Variants in TPRG1 observed in about 807,000 individuals in gnomAD.
TPRG1 encodes the protein tumor protein p63 regulated 1, also known as tumor protein p63-regulated gene 1 protein.
Under a neutral mutation model 29.3 loss-of-function variants are expected in TPRG1, and 29 were observed. The ratio of observed to expected loss-of-function variants is 0.99; its 90% CI spans 0.74 to 1.35. TPRG1 has a LOEUF of 1.35. Among genes scored for constraint, TPRG1 ranks in the 40% most tolerant of loss-of-function variants. The pLI is 0.00. For missense variants in TPRG1, 327 were observed against 335.0 expected (o/e 0.98, Z 0.19); for synonymous variants, 130 against 116.8 (o/e 1.11, Z -0.73).
chr3:189,078,134 TTTCCTTTC>T lies in TPRG1; in HGVS notation c.-462-48920_-462-48913del, dbSNP rs1416192788. ...CTTTCTTTCTTTCTTTCTTTCTTTC[TTTCCTTTC>T]TTTTTTTTTTTTTAGATGAAGTTTT... On this transcript the variant is annotated intron_variant, in intron 4 of 10. Transcript: ENST00000433971. Among the ~76,000 whole-genome samples the T allele has an allele frequency of 4.2e-4, 54 of 129,458 alleles. No homozygotes were observed. The South Asian group carries it at 0.013, about 30-fold the overall frequency. The allele number at this position is 129,458 out of a possible 152,430, so 84.9% of individuals were successfully genotyped here.
intron 1 of TPRG1, among the ~76,000 whole-genome samples, chr3:189,122,966 A>G (rs1173224621): frequency 2.0e-5 from 3 of 152,214 alleles, no homozygotes; most frequent in Non-Finnish European, 4.4e-5. Flanking sequence ...TTTGTTCTAA[A>G]AACAGGCAAA....
At chr3:189,063,818 G>T (rs1716268986) in intron 4 of TPRG1, among the ~76,000 whole-genome samples, 1 of 152,112 alleles carries the variant, frequency 6.6e-6, no homozygotes, top group South Asian at 2.1e-4. Context: ...AAGTGTTTTG[G>T]AGGTCCCCAA....
chr3:189,098,663 G>A (rs142119366), upstream of TPRG1, among the ~76,000 whole-genome samples: 126 of 152,174 alleles, frequency 8.3e-4, no homozygotes, highest in African/African-American at 2.8e-3. Context: ...ATGAAGAAGC[G>A]CTGGTTTGGA....
chr3:189,288,280 A>G (rs992483679), intron 4 of TPRG1, among the ~76,000 whole-genome samples: 1 of 152,252 alleles, frequency 6.6e-6, no homozygotes, highest in African/African-American at 2.4e-5. Context: ...AAACTAATAT[A>G]ACAAAGTCTA....
intron 4 of TPRG1, among the ~76,000 whole-genome samples, chr3:189,305,688 A>T (rs1319719058): frequency 6.6e-6 from 1 of 152,208 alleles, no homozygotes; most frequent in Non-Finnish European, 1.5e-5. Flanking sequence ...CTAAAGTAAG[A>T]ACTGTGATCT....
intron 4 of TPRG1, among the ~76,000 whole-genome samples, chr3:189,026,646 T>G (rs986794026): frequency 6.6e-6 from 1 of 152,098 alleles, no homozygotes; most frequent in Non-Finnish European, 1.5e-5. Context: ...CAGGGAGAGA[T>G]TTAGAATATT....
chr3:189,312,121 C>CTTTG (rs1286424250), intron 5 of TPRG1, among the ~76,000 whole-genome samples: 74 of 35,000 alleles, frequency 2.1e-3, no homozygotes, highest in East Asian at 0.014. Flanking sequence ...TTCTTTGTTT[C>CTTTG]TTTCTTTCTT....
chr3:189,075,225 C>G (rs988107022), intron 4 of TPRG1, among the ~76,000 whole-genome samples: 2 of 152,094 alleles, frequency 1.3e-5, no homozygotes, highest in South Asian at 4.1e-4. Context: ...CTCTGCCTCC[C>G]GGGTGCAAGT....
At chr3:189,180,566 T>C (rs1349974876) in intron 1 of TPRG1, among the ~76,000 whole-genome samples, 1 of 152,198 alleles carries the variant, frequency 6.6e-6, no homozygotes, top group Admixed American at 6.5e-5. Context: ...TCCAGAATGA[T>C]CTACTTTGAC....
chr3:189,139,480 C>T (rs1013515043), intron 3 of TPRG1, among the ~76,000 whole-genome samples: 6 of 152,298 alleles, frequency 3.9e-5, no homozygotes, highest in African/African-American at 1.2e-4. Flanking sequence ...TCAAACAGTG[C>T]GTGCCGCATC....
chr3:189,270,492 G>A (rs558805409), intron 4 of TPRG1, among the ~76,000 whole-genome samples: 3 of 152,360 alleles, frequency 2.0e-5, no homozygotes, highest in Non-Finnish European at 4.4e-5. Context: ...AGTGTTCCCA[G>A]GCTCAGTCAG....
rs1334878934 is a variant in TPRG1 at position 189,275,416 on chromosome 3, A to G, written c.480-34970A>G. Among the ~76,000 whole-genome samples the G allele has an allele frequency of 2.0e-5, 3 of 152,308 alleles. No individual in the cohort carries two copies. The East Asian group carries it at 5.8e-4, about 29-fold the overall frequency. ...AGGATATGCCAGTGGAGACGAATTG[A>G]CAATAAAGAGAATTCATACAGTTGT... On this transcript the variant is annotated intron_variant, in intron 4 of 5. Transcript: ENST00000345063.
chr3:189,276,825 G>T (rs966681199), intron 4 of TPRG1, among the ~76,000 whole-genome samples: 1 of 152,124 alleles, frequency 6.6e-6, no homozygotes, highest in Non-Finnish European at 1.5e-5. Context: ...TCCTTGGGAA[G>T]AGACCAAGAG....
In TPRG1 at chr3:189,045,021, A is replaced by ACTAC. The variant is rs1210060472; in HGVS notation, c.-463+21076_-463+21077insTACC. Reference sequence around the variant, plus strand: ...TATTCATTAATATTCTTGGAAAATCACCAAATAAAACTGCTACCCCAGAAG... The same window carrying ACTAC: ...TATTCATTAATATTCTTGGAAAATCACTACCCAAATAAAACTGCTACCCCAGAAG... On this transcript the variant is annotated intron_variant, in intron 4 of 10. Coordinates refer to the TPRG1 transcript ENST00000433971. Among the ~76,000 whole-genome samples, 14 of 152,328 alleles carry ACTAC rather than the reference A, an allele frequency of 9.2e-5. No homozygotes were observed. The East Asian group carries it at 2.7e-3, about 29-fold the overall frequency.
intron 5 of TPRG1, among the ~76,000 whole-genome samples, chr3:189,151,606 C>T (rs553133415): frequency 6.6e-6 from 1 of 152,240 alleles, no homozygotes; most frequent in South Asian, 2.1e-4. Context: ...CCTGGCCAGG[C>T]GTGGTGGCTC....
intron 1 of TPRG1, among the ~76,000 whole-genome samples, chr3:189,180,820 G>C (rs1730112375): frequency 6.6e-6 from 1 of 152,202 alleles, no homozygotes; most frequent in Admixed American, 6.5e-5. Context: ...GGGATTCTGT[G>C]TGGGGACTCT....
At chr3:189,280,010 G>GTTCCAACCA (rs1716836504) in intron 4 of TPRG1, among the ~76,000 whole-genome samples, 1 of 152,172 alleles carries the variant, frequency 6.6e-6, no homozygotes, top group Non-Finnish European at 1.5e-5. Context: ...AGCGGGATTG[G>GTTCCAACCA]TAGCCACTTC....
At chr3:189,176,088 C>G (rs1729453161) in intron 1 of TPRG1, among the ~76,000 whole-genome samples, 1 of 152,110 alleles carries the variant, frequency 6.6e-6, no homozygotes, top group Non-Finnish European at 1.5e-5. Context: ...TTTTGTTTTG[C>G]AAAGGGCTAC....
At chr3:189,198,947 A>AT (rs373272255) in intron 1 of TPRG1, among the ~76,000 whole-genome samples, 1 of 152,202 alleles carries the variant, frequency 6.6e-6, no homozygotes, top group Non-Finnish European at 1.5e-5. Flanking sequence ...TTCTTTATGT[A>AT]TTTTTTGAGA....
Sources: allele counts gnomAD v4.1 joint callset (sites outside exome capture counted in the v4.1 genomes callset), GRCh38; gene constraint gnomAD v4.1.1; transcripts MANE v1.5; gene names NCBI Gene and HGNC (gene_info 2026-07-23, HGNC 2026-07-21).